Variants in PPFIA4 observed in about 807,000 individuals in gnomAD.
PPFIA4 encodes the protein PPFI scaffold protein A4.
In PPFIA4, 98 loss-of-function variants were observed where a neutral mutation model predicts 145.7. That is an observed-to-expected ratio of 0.67 (90% CI 0.57 to 0.80). The LOEUF is 0.80. Ranked by LOEUF, PPFIA4 falls within the 30% of genes least tolerant of loss-of-function variation. The pLI, the probability that PPFIA4 is intolerant of heterozygous loss-of-function variation, is 0.00. For synonymous variants in PPFIA4, 628 were observed against 649.6 expected (o/e 0.97, Z 0.51); for missense variants, 1,457 against 1,632.7 (o/e 0.89, Z 1.85).
intron 29 of PPFIA4, chr1:203,076,042 C>G: frequency 1.7e-6 from 1 of 583,844 alleles, no homozygotes; most frequent in Non-Finnish European, 3.0e-6. Context: ...CATCCTCCCG[C>G]CCCGGGTCTG....
intron 15 of PPFIA4, among the ~76,000 whole-genome samples, chr1:203,054,311 A>G (rs891299880): frequency 6.6e-6 from 1 of 152,204 alleles, no homozygotes; most frequent in African/African-American, 2.4e-5. Flanking sequence ...GTCACTGTCC[A>G]TCTTACCACA....
rs535795709 is a variant in PPFIA4 at position 203,042,805 on chromosome 1, A to G, written c.235-592A>G. 5.6e-4 allele frequency among the ~76,000 whole-genome samples: 85 copies of G among 152,036 alleles called. No individual in the cohort carries two copies. The Middle Eastern group carries it at 0.024, about 43-fold the overall frequency. On this transcript the variant is annotated intron_variant, in intron 2 of 29. Coordinates refer to ENST00000295706, the MANE Select transcript of PPFIA4 (RefSeq NM_001304331.2). The stretch of plus-strand genomic sequence containing the variant: ...AGGTGTGCGCCACCACGTCTGACTA[A>G]TTTTTGTATTTTTAGTCGAGACAGG...
rs1460805423 is a variant in PPFIA4, at chr1:203,060,621, T to A, written c.2784+204T>A. Among the ~76,000 whole-genome samples the A allele has an allele frequency of 6.6e-6, 1 of 152,192 alleles. No homozygotes were observed. Among genetic ancestry groups the A allele is most frequent in the East Asian group, 1.9e-4 (1 of 5,192 alleles). ...CAGCCTTGGTTCCCTGCCTTTCACATACCACCCATGGGGCTCCATCTCCCC... is the reference window on the plus strand; with the variant it reads ...CAGCCTTGGTTCCCTGCCTTTCACAAACCACCCATGGGGCTCCATCTCCCC... On this transcript the variant is annotated intron_variant, in intron 22 of 29. Transcript: ENST00000295706. This position sits in a 1 kb window ranked among gnomAD's most constrained non-coding sequence, Gnocchi z 4.8.
chr1:203,045,891 G>T lies in PPFIA4; in HGVS notation c.909G>T (p.Lys303Asn), dbSNP rs1558074959. 1 of 1,612,862 alleles carries T rather than the reference G, an allele frequency of 6.2e-7. No individual in the cohort carries two copies. The stretch of plus-strand genomic sequence containing the variant: ...AAGAGCGGATTACTACACTGGAGAA[G>T]CGCTACCTGGCTGCTCAGCGTGAGG... ...DMEERITTLE[K>N]RYLAAQREAT... The change falls in exon 8 of 30, where the codon AAG (lysine) becomes AAT (asparagine). Residue 303 changes from lysine to asparagine, a missense_variant. Physicochemically the swap from Lys to Asn is moderately conservative, Grantham distance 94. Transcript: ENST00000295706.
chr1:203,076,141 C>T lies in PPFIA4; in HGVS notation c.3575-200C>T, dbSNP rs1662525193. 8 of 643,722 alleles carry T rather than the reference C, an allele frequency of 1.2e-5. No homozygotes were observed. The South Asian group carries it at 1.5e-4, about 12-fold the overall frequency. 39.9% of individuals were successfully genotyped at this position (643,722 alleles called of 1,614,324 possible). On this transcript the variant is annotated intron_variant, in intron 29 of 29. Transcript: ENST00000295706. ...TGGCCCTCGGCCCCACGCACCTGCC[C>T]TTGGCTGCCGGCCTGGCCCTGCCGC... is the stretch of plus-strand genomic sequence containing the variant.
intron 7 of PPFIA4, 136 bp downstream of exon 7, chr1:203,045,695 G>A: frequency 2.1e-6 from 3 of 1,459,658 alleles, no homozygotes; most frequent in Non-Finnish European, 2.8e-6. Flanking sequence ...GTCATGGAAG[G>A]GGTGGGCCAA....
chr1:203,056,332 A>G, intron 17 of PPFIA4, 43 bp from the exon 18 acceptor site: 1 of 1,608,024 alleles, frequency 6.2e-7, no homozygotes, highest in African/African-American at 1.3e-5. Context: ...GGCAGGCCCG[A>G]GATCTCTCCC....
intron 20 of PPFIA4, among the ~76,000 whole-genome samples, chr1:203,059,567 GC>G (rs558615482): frequency 8.1e-4 from 124 of 152,254 alleles, no homozygotes; most frequent in Admixed American, 3.5e-3. Flanking sequence ...AGAGCTCCTC[GC>G]CCTCTTGGGG....
At chr1:203,051,197 G>T (rs1490216598) in intron 13 of PPFIA4, 3 of 985,328 alleles carry the variant, frequency 3.0e-6, no homozygotes, top group Non-Finnish European at 2.4e-6. Context: ...TCTCTGGCTT[G>T]TGTTTCTGAC....
At chr1:203,063,719 C>A (rs1347449946) in intron 24 of PPFIA4, 109 bp from the exon 25 acceptor site, 1 of 1,106,140 alleles carries the variant, frequency 9.0e-7, no homozygotes, top group Non-Finnish European at 1.4e-6. Context: ...CCCTTCCTCC[C>A]TCATGGGTGG....
rs376919949 is a variant in PPFIA4 at position 203,066,207 on chromosome 1, G to T, written c.3051-1488G>T. On this transcript the variant is annotated intron_variant, in intron 25 of 29. Transcript: ENST00000295706. ...GAAGGCATTTCCAGTCATGAGCTGT[G>T]TGTGCGCATGCCCCTTCACAGTGGA... 1.2e-4 allele frequency among the ~76,000 whole-genome samples: 18 copies of T among 152,338 alleles called. 2 individuals are homozygous for T. Among genetic ancestry groups the T allele is most frequent in the Admixed American group, 7.8e-4 (12 of 15,306 alleles).
At chr1:203,027,073 C>T (rs1327565788) in intron 1 of PPFIA4, among the ~76,000 whole-genome samples, 2 of 152,214 alleles carry the variant, frequency 1.3e-5, no homozygotes, top group Non-Finnish European at 2.9e-5. Flanking sequence ...CTTAATCTTT[C>T]CCGAGTTGCT....
At chr1:203,033,895 A>G (rs140162672) in intron 1 of PPFIA4, among the ~76,000 whole-genome samples, 454 of 152,338 alleles carry the variant, frequency 3.0e-3, no homozygotes, top group East Asian at 0.012. Flanking sequence ...AGGCAGGAGA[A>G]TCACTTGAAC....
In PPFIA4 at chr1:203,060,882, G is replaced by C. The variant is rs537574074; in HGVS notation, c.2785-88G>C. ...CCATTTCAGAGGACTCAGGGAGGGA[G>C]CTTTGTCCTTGTCCTTTGGGCTCCC... is the stretch of plus-strand genomic sequence containing the variant. On this transcript the variant is annotated intron_variant, in intron 22 of 29. Transcript: ENST00000295706. The surrounding 1 kb of genome is among the most constrained non-coding windows in gnomAD (Gnocchi z 4.8). 46 of 1,211,096 alleles carry C rather than the reference G, an allele frequency of 3.8e-5. 1 individual carries two copies. The Admixed American group carries it at 5.2e-4, about 14-fold the overall frequency. 75.0% of individuals were successfully genotyped at this position (1,211,096 alleles called of 1,614,324 possible).
In PPFIA4 at chr1:203,060,938, C is replaced by T. The variant is rs540847429; in HGVS notation, c.2785-32C>T. 3.1e-6 allele frequency: 5 copies of T among 1,611,190 alleles called. No individual in the cohort carries two copies. In the African/African-American group the frequency reaches 6.7e-5, roughly 21 times the overall value. ...GATGGGGATCCTGGGGACCCACACC[C>T]AGGACCAGCTAGGTTTCCTCTCTGC... On this transcript the variant is annotated intron_variant, in intron 22 of 29. Coordinates refer to ENST00000295706, the MANE Select transcript of PPFIA4 (RefSeq NM_001304331.2). The surrounding 1 kb of genome is among the most constrained non-coding windows in gnomAD (Gnocchi z 4.8).
At chr1:203,049,226 A>G (rs116014606) in intron 12 of PPFIA4, among the ~76,000 whole-genome samples, 1,776 of 152,324 alleles carry the variant, frequency 0.012, 37 homozygotes, top group African/African-American at 0.039. Flanking sequence ...GGCAGGGCCC[A>G]GTGAGGGGCT....
rs1289186469 is a variant in PPFIA4 at position 203,060,043 on chromosome 1, T to A, written c.2584-174T>A. 2.0e-5 allele frequency among the ~76,000 whole-genome samples: 3 copies of A among 152,152 alleles called. No homozygotes were observed. The highest frequency in any genetic ancestry group is 7.2e-5 in the African/African-American group (3 of 41,420). On this transcript the variant is annotated intron_variant, in intron 21 of 29. Transcript: ENST00000295706. This position sits in a 1 kb window ranked among gnomAD's most constrained non-coding sequence, Gnocchi z 4.8. ...ACCAGTCGCAGGAGAGAGTTGATGC[T>A]ACTTTTAATCTGTAAAATGGGAGAG...
Position 203,048,158 on chromosome 1 carries a change from C to T in PPFIA4, c.1141-69C>T. ...CCAGGGCCACCCTGGCACCAGGGTG[C>T]AGGGGATGCGGGGCCTGAGCAGGAA... On this transcript the variant is annotated intron_variant, in intron 9 of 29. Coordinates refer to ENST00000295706, the MANE Select transcript of PPFIA4 (RefSeq NM_001304331.2). This position sits in a 1 kb window ranked among gnomAD's most constrained non-coding sequence, Gnocchi z 5.8. 6.7e-7 allele frequency: 1 copy of T among 1,481,748 alleles called. No individual in the cohort carries two copies. Among genetic ancestry groups the T allele is most frequent in the Non-Finnish European group, 9.3e-7 (1 of 1,070,632 alleles). The allele number at this position is 1,481,748 out of a possible 1,614,324, so 91.8% of individuals were successfully genotyped here.
intron 27 of PPFIA4, among the ~76,000 whole-genome samples, chr1:203,070,077 T>C (rs1662037707): frequency 6.6e-6 from 1 of 151,912 alleles, no homozygotes; most frequent in Admixed American, 6.6e-5. Flanking sequence ...AACTCTACGC[T>C]TAATATTTTC....
Sources: gnomAD v4.1 joint callset for allele counts (sites outside exome capture counted in the v4.1 genomes callset) on GRCh38, gnomAD v4.1.1 for gene constraint, Gnocchi (gnomAD v3.1) non-coding constraint, MANE v1.5 for transcripts, NCBI Gene and HGNC (gene_info 2026-07-23, HGNC 2026-07-21) for gene names.